The following ZNF248 variants were observed in gnomAD, a reference collection of about 807,000 sequenced individuals.
The protein encoded by ZNF248 is KRAB protein domain.
In ZNF248, 20 loss-of-function variants were observed where a neutral mutation model predicts 44.3. The observed-to-expected ratio is 0.45, with a 90% CI of 0.32 to 0.66. The LOEUF (loss-of-function observed/expected upper bound fraction) is 0.66, where lower values mean the gene tolerates loss of function less well. Ranked by LOEUF, ZNF248 falls within the 30% of genes least tolerant of loss-of-function variation. The pLI is 0.04. For missense variants in ZNF248, 654 were observed against 677.0 expected (o/e 0.97, Z 0.38); for synonymous variants, 224 against 229.0 (o/e 0.98, Z 0.20).
chr10:37,787,215 G>T (rs1589064035), intron 6 of ZNF248, among the ~76,000 whole-genome samples: 1 of 152,058 alleles, frequency 6.6e-6, no homozygotes, highest in African/African-American at 2.4e-5. Flanking sequence ...GGAGGCAGAG[G>T]TTGCAGTGAG....
chr10:37,856,785 CA>C (rs1327072633), intron 1 of ZNF248: 6 of 934,628 alleles, frequency 6.4e-6, no homozygotes, highest in Non-Finnish European at 7.7e-6. Context: ...AACAATTCCT[CA>C]AAAGGATCTT....
intron 6 of ZNF248, among the ~76,000 whole-genome samples, chr10:37,782,178 A>C (rs2047394282): frequency 6.6e-6 from 1 of 152,014 alleles, no homozygotes; most frequent in Admixed American, 6.6e-5. Flanking sequence ...CACTCCACCA[A>C]CTGTGGTCTT....
the ZNF248 span, among the ~76,000 whole-genome samples, chr10:37,770,933 C>T: frequency 1.4e-4 from 21 of 152,046 alleles, no homozygotes; most frequent in Admixed American, 1.2e-3. Context: ...AAGAAAAAAA[C>T]AAACAACCCC....
At chr10:37,814,274 C>T (rs113778886) in intron 6 of ZNF248, among the ~76,000 whole-genome samples, 81 of 152,144 alleles carry the variant, frequency 5.3e-4, no homozygotes, top group African/African-American at 1.8e-3. Context: ...CAAAAAACTC[C>T]GCTCCTACAC....
chr10:37,807,271 T>C (rs2050720198), intron 6 of ZNF248, among the ~76,000 whole-genome samples: 1 of 149,120 alleles, frequency 6.7e-6, no homozygotes, highest in Admixed American at 6.9e-5. Flanking sequence ...TATACATCTG[T>C]CTTTATAGCA....
In ZNF248 at chr10:37,828,892, G is replaced by A. The variant is rs1462138343; in HGVS notation, c.*2723C>T. The A allele has an allele frequency of 2.0e-6, 2 of 985,300 alleles. No individual in the cohort carries two copies. Among genetic ancestry groups the A allele is most frequent in the African/African-American group, 1.7e-5 (1 of 57,238 alleles). 61.0% of individuals were successfully genotyped at this position (985,300 alleles called of 1,614,324 possible). A position where few individuals can be genotyped will look rare whatever the true frequency, so the allele number is the denominator to read the frequency against. On this transcript the variant is annotated 3_prime_UTR_variant, in exon 6 of 6. Coordinates refer to ENST00000395867, the MANE Select transcript of ZNF248 (RefSeq NM_021045.3). ...TAATGTCTGCTTCACACATGTTGAA[G>A]GAGAGACATACCTGTGTAGTTCCAA...
At chr10:37,851,115 A>G (rs1446681283) in intron 3 of ZNF248, among the ~76,000 whole-genome samples, 1 of 152,196 alleles carries the variant, frequency 6.6e-6, no homozygotes, top group Non-Finnish European at 1.5e-5. Flanking sequence ...ATCCAATTCT[A>G]AAATAGTAAT....
At chr10:37,784,389 G>A (rs571478768) in intron 6 of ZNF248, among the ~76,000 whole-genome samples, 3 of 152,262 alleles carry the variant, frequency 2.0e-5, no homozygotes, top group African/African-American at 4.8e-5. Context: ...GAGCCTTCAC[G>A]CTGTCTCCTG....
In ZNF248 at chr10:37,819,878, G is replaced by A. The variant is rs763797242; in HGVS notation, c.330+13147C>T. The A allele has an allele frequency of 4.6e-4, 360 of 778,942 alleles. 1 individual carries two copies. The highest frequency in any genetic ancestry group is 7.8e-4 in the Non-Finnish European group (328 of 419,552). 48.3% of individuals were successfully genotyped at this position (778,942 alleles called of 1,614,324 possible). On this transcript the variant is annotated intron_variant, in intron 6 of 6. Coordinates refer to the ZNF248 transcript ENST00000615949. ...TCCCTCTGTGAATTTATCCTTTTCTGATGCTTGATAAGATTCTGAAAAGCA... is the reference window on the plus strand; with the variant it reads ...TCCCTCTGTGAATTTATCCTTTTCTAATGCTTGATAAGATTCTGAAAAGCA...
chr10:37,802,057 G>C (rs2049902362), intron 6 of ZNF248, among the ~76,000 whole-genome samples: 1 of 152,160 alleles, frequency 6.6e-6, no homozygotes, highest in Non-Finnish European at 1.5e-5. Context: ...TGCATGTATT[G>C]AAAACTGACT....
chr10:37,798,408 G>A (rs2049399193), intron 6 of ZNF248, among the ~76,000 whole-genome samples: 1 of 152,114 alleles, frequency 6.6e-6, no homozygotes, highest in Admixed American at 6.6e-5. Flanking sequence ...CTAAAAACTA[G>A]TGGATGTTGT....
In ZNF248 at chr10:37,832,469, G is replaced by C; in HGVS notation, c.886C>G (p.Pro296Ala). The change falls in exon 6 of 6, where the codon CCT becomes GCT. Residue 296 changes from proline to alanine, a missense_variant. Transcript: ENST00000395867. The part of the protein sequence containing the change: ...GHQRALTKDN[P>A]YEYNEYGEIF... ...TCCCCATATTCATTATATTCATAAG[G>C]ATTGTCCTTTGTAAGAGCTCTCTGA... The C allele has an allele frequency of 6.2e-7, 1 of 1,613,908 alleles. No individual in the cohort carries two copies.
intron 6 of ZNF248, chr10:37,818,618 G>A: frequency 2.2e-6 from 1 of 459,750 alleles, no homozygotes; most frequent in Non-Finnish European, 4.1e-6. Flanking sequence ...TCGAAGAACA[G>A]CTGTTGGACA....
At chr10:37,849,933 C>T (rs944712414) in intron 3 of ZNF248, among the ~76,000 whole-genome samples, 3 of 151,244 alleles carry the variant, frequency 2.0e-5, no homozygotes, top group East Asian at 2.0e-4. Context: ...TAGTCAGGCA[C>T]GGTGGCAGGT....
chr10:37,850,302 A>G (rs1170039534), intron 3 of ZNF248, among the ~76,000 whole-genome samples: 1 of 152,246 alleles, frequency 6.6e-6, no homozygotes, highest in Non-Finnish European at 1.5e-5. Flanking sequence ...AGAAAGATAA[A>G]AAATGCTAAC....
downstream of ZNF248, among the ~76,000 whole-genome samples, chr10:37,827,831 C>T (rs1257895342): frequency 6.6e-6 from 1 of 152,176 alleles, no homozygotes; most frequent in Admixed American, 6.5e-5. Context: ...TTCCACATTT[C>T]CCTGCTAAAT....
At chr10:37,788,626 A>G (rs1467429572) in intron 6 of ZNF248, among the ~76,000 whole-genome samples, 1 of 152,208 alleles carries the variant, frequency 6.6e-6, no homozygotes, top group Admixed American at 6.5e-5. Flanking sequence ...GTCTCAAAAA[A>G]TAAAGAAAAT....
At chr10:37,780,837 G>A (rs1030293239) in intron 6 of ZNF248, among the ~76,000 whole-genome samples, 2 of 152,164 alleles carry the variant, frequency 1.3e-5, no homozygotes, top group African/African-American at 4.8e-5. Context: ...TCGCCTGCTT[G>A]TCACACTCGG....
chr10:37,775,640 T>C (rs577369861), downstream of ZNF248: 4 of 152,336 alleles, frequency 2.6e-5, no homozygotes, highest in East Asian at 3.9e-4. Flanking sequence ...CACTTCCTAA[T>C]GGTCAATTTC....
Sources: allele counts gnomAD v4.1 joint callset (sites outside exome capture counted in the v4.1 genomes callset), GRCh38; gene constraint gnomAD v4.1.1; transcripts MANE v1.5; gene names NCBI Gene and HGNC (gene_info 2026-07-23, HGNC 2026-07-21).